SPTY2D1: variants seen among roughly 807,000 people sequenced by gnomAD.
The protein encoded by SPTY2D1 is protein SPT2 homolog.
Under a neutral mutation model 64.0 loss-of-function variants are expected in SPTY2D1, and 21 were observed. The observed-to-expected ratio is 0.33, with a 90% CI of 0.23 to 0.47. SPTY2D1 has a LOEUF of 0.47. SPTY2D1 is among the 20% of genes least tolerant of loss of function. SPTY2D1 has a pLI of 1.00. For synonymous variants in SPTY2D1, 287 were observed against 286.8 expected, an observed-to-expected ratio of 1.00 and a Z score of -0.01; for missense variants, 724 against 837.2, an observed-to-expected ratio of 0.86 and a Z score of 1.67.
chr11:18,631,602 C>CAA (rs10617150), intron 1 of SPTY2D1, among the ~76,000 whole-genome samples: 2,227 of 116,262 alleles, frequency 0.019, 28 homozygotes, highest in African/African-American at 0.028. Context: ...AAATAGATAA[C>CAA]AAAAAAAAAA....
In SPTY2D1 at chr11:18,609,677, T is replaced by G; in HGVS notation, c.*184A>C. 1 of 610,066 alleles carries G rather than the reference T, an allele frequency of 1.6e-6. No homozygotes were observed. Among genetic ancestry groups the G allele is most frequent in the Non-Finnish European group, 2.9e-6 (1 of 347,298 alleles). The allele number at this position is 610,066 out of a possible 1,614,324, so 37.8% of individuals were successfully genotyped here. A position where few individuals can be genotyped will look rare whatever the true frequency, so the allele number is the denominator to read the frequency against. ...GCATTATATCATCTGCATTACAGAT[T>G]TCACCCTGGAAAATATCTGAAAATA... is the stretch of plus-strand genomic sequence containing the variant. On this transcript the variant is annotated 3_prime_UTR_variant, in exon 6 of 6. Transcript: ENST00000336349.
chr11:18,629,667 C>A (rs970142626), intron 1 of SPTY2D1, among the ~76,000 whole-genome samples: 4 of 152,128 alleles, frequency 2.6e-5, no homozygotes, highest in African/African-American at 9.7e-5. Context: ...ATAAACAGAG[C>A]CAGTGACGAC....
Position 18,621,913 on chromosome 11 carries a change from C to T in SPTY2D1, c.61-4924G>A, listed in dbSNP as rs151231153. 2.8e-3 allele frequency among the ~76,000 whole-genome samples: 422 copies of T among 151,450 alleles called. 3 individuals carry two copies. The highest frequency in any genetic ancestry group is 9.7e-3 in the African/African-American group (401 of 41,290). ...ACCAGCGTGGGCAATATAGGGAGAC[C>T]CTGTCTCTCCAAACAATTTAAAAAT... On this transcript the variant is annotated intron_variant, in intron 1 of 5. Coordinates refer to ENST00000336349, the MANE Select transcript of SPTY2D1 (RefSeq NM_194285.3).
intron 3 of SPTY2D1, 57 bp downstream of exon 3, chr11:18,614,506 C>G: frequency 6.6e-7 from 1 of 1,518,532 alleles, no homozygotes; most frequent in South Asian, 1.3e-5. Context: ...AATATAAAAA[C>G]TCTTTCCAAT....
intron 1 of SPTY2D1, among the ~76,000 whole-genome samples, chr11:18,618,695 G>A (rs534653770): frequency 1.3e-5 from 2 of 152,218 alleles, no homozygotes; most frequent in South Asian, 4.1e-4. Flanking sequence ...GAACAACTTA[G>A]GAACCAAAAA....
chr11:18,622,101 A>AAAAAAAAAAAAC (rs71050618), intron 1 of SPTY2D1, among the ~76,000 whole-genome samples: 19,748 of 79,098 alleles, frequency 0.25, 6,321 homozygotes, highest in Middle Eastern at 0.48. Flanking sequence ...AAAAAAAAAA[A>AAAAAAAAAAAAC]AAACCAAAAC....
chr11:18,620,378 C>T (rs1460997818), intron 1 of SPTY2D1, among the ~76,000 whole-genome samples: 1 of 151,964 alleles, frequency 6.6e-6, no homozygotes, highest in Non-Finnish European at 1.5e-5. Flanking sequence ...AGTTGGGAGG[C>T]TGAAGCACGA....
rs1336853173 is a variant in SPTY2D1 at position 18,615,138 on chromosome 11, G to A, written c.1136C>T (p.Pro379Leu). ...AGCAACCCCTGTGCTGGGCTGCCCA[G>A]GGGCTGAGCTAGAGCTGCTGCCTGG... ...RQPGSSSSSA[P>L]GQPSTGVARP... The change falls in exon 3 of 6, where the codon CCT (proline) becomes CTT (leucine). Residue 379 changes from proline (P) to leucine (L), a missense_variant. Transcript: ENST00000336349. 1.2e-6 allele frequency: 2 copies of A among 1,614,106 alleles called. No homozygotes were observed. Among genetic ancestry groups the A allele is most frequent in the African/African-American group, 1.3e-5 (1 of 74,946 alleles).
chr11:18,616,512 A>T (rs1350167501), intron 2 of SPTY2D1, among the ~76,000 whole-genome samples: 1 of 152,180 alleles, frequency 6.6e-6, no homozygotes, highest in Non-Finnish European at 1.5e-5. Context: ...TTTAGATAGC[A>T]TTCTGTTAAT....
At chr11:18,617,607 C>A (rs1208831334) in intron 1 of SPTY2D1, among the ~76,000 whole-genome samples, 15 of 85,712 alleles carry the variant, frequency 1.8e-4, no homozygotes, top group African/African-American at 6.3e-4. Flanking sequence ...GCCCGGGCGA[C>A]AAAGTAAGAC....
chr11:18,622,106 C>CAAAAAAAA (rs1854419834), intron 1 of SPTY2D1, among the ~76,000 whole-genome samples: 4 of 28,120 alleles, frequency 1.4e-4, no homozygotes, highest in African/African-American at 2.4e-4. Flanking sequence ...AAAAAAAAAC[C>CAAAAAAAA]AAAACCAAAA....
chr11:18,625,365 A>C (rs995593954), intron 1 of SPTY2D1, among the ~76,000 whole-genome samples: 14 of 152,182 alleles, frequency 9.2e-5, no homozygotes, highest in Admixed American at 9.2e-4. Flanking sequence ...TGTTTACAAA[A>C]ACATACCTGA....
At chr11:18,631,913 G>A (rs1026811001) in intron 1 of SPTY2D1, among the ~76,000 whole-genome samples, 3 of 152,132 alleles carry the variant, frequency 2.0e-5, no homozygotes, top group African/African-American at 7.2e-5. Flanking sequence ...TTGGGAAGCC[G>A]AGGTGGGCGA....
chr11:18,627,747 C>T (rs1168099393), intron 1 of SPTY2D1, among the ~76,000 whole-genome samples: 2 of 152,060 alleles, frequency 1.3e-5, no homozygotes, highest in African/African-American at 4.8e-5. Context: ...GGCATGGTGG[C>T]GGATGCCTAT....
chr11:18,621,566 G>C (rs900336086), intron 1 of SPTY2D1, among the ~76,000 whole-genome samples: 4 of 152,000 alleles, frequency 2.6e-5, no homozygotes, highest in Non-Finnish European at 4.4e-5. Flanking sequence ...AATCATTAAG[G>C]ATACTTAAGC....
intron 1 of SPTY2D1, among the ~76,000 whole-genome samples, chr11:18,622,101 AAAAC>A (rs1854419163): frequency 1.2e-5 from 1 of 81,282 alleles, no homozygotes; most frequent in Non-Finnish European, 2.9e-5. Flanking sequence ...AAAAAAAAAA[AAAAC>A]CAAAACCAAA....
chr11:18,631,080 C>A (rs575186546), intron 1 of SPTY2D1, among the ~76,000 whole-genome samples: 27 of 152,342 alleles, frequency 1.8e-4, no homozygotes, highest in African/African-American at 6.3e-4. Flanking sequence ...CTCAGGTGAT[C>A]TGCCCACCTT....
At chr11:18,616,174 G>T in intron 2 of SPTY2D1, 76 bp from the exon 3 acceptor site, 2 of 1,332,780 alleles carry the variant, frequency 1.5e-6, no homozygotes, top group Admixed American at 2.5e-5. Flanking sequence ...AAAACACAAC[G>T]TTCAGGTTAC....
chr11:18,632,472 C>A (rs58988307), intron 1 of SPTY2D1, among the ~76,000 whole-genome samples: 1 of 151,876 alleles, frequency 6.6e-6, no homozygotes, highest in African/African-American at 2.4e-5. Flanking sequence ...TCTCAGCCTC[C>A]CAAGTAGCTG....
Sources: allele counts gnomAD v4.1 joint callset (sites outside exome capture counted in the v4.1 genomes callset), GRCh38; gene constraint gnomAD v4.1.1; transcripts MANE v1.5; gene names NCBI Gene and HGNC (gene_info 2026-07-23, HGNC 2026-07-21).